The following CACNB2 variants were observed in gnomAD, a reference collection of about 807,000 sequenced individuals.
CACNB2 encodes the protein calcium voltage-gated channel auxiliary subunit beta 2.
CACNB2 carries 42 observed loss-of-function variants against 73.3 expected under a neutral mutation model. The ratio of observed to expected loss-of-function variants is 0.57; its 90% confidence interval spans 0.45 to 0.74. The LOEUF (loss-of-function observed/expected upper bound fraction) is 0.74, where lower values mean the gene tolerates loss of function less well. CACNB2 is among the 30% of genes least tolerant of loss of function. The pLI, the probability that CACNB2 is intolerant of heterozygous loss-of-function variation, is 0.00. For missense variants in CACNB2, 940 were observed against 853.0 expected (o/e 1.10, Z -1.27); for synonymous variants, 348 against 310.3 (o/e 1.12, Z -1.28).
intron 3 of CACNB2, among the ~76,000 whole-genome samples, chr10:18,437,679 C>T (rs542975861): frequency 7.9e-5 from 12 of 152,278 alleles, no homozygotes; most frequent in Admixed American, 2.6e-4. Context: ...TAGTAAGCAT[C>T]TTGGATCTCT....
chr10:18,377,814 G>C (rs943282296), intron 2 of CACNB2, among the ~76,000 whole-genome samples: 1 of 152,176 alleles, frequency 6.6e-6, no homozygotes, highest in East Asian at 1.9e-4. Context: ...ATGCCACTTG[G>C]TAGAAAGCTG....
intron 2 of CACNB2, among the ~76,000 whole-genome samples, chr10:18,314,957 T>C (rs1288130517): frequency 6.6e-6 from 1 of 152,198 alleles, no homozygotes; most frequent in African/African-American, 2.4e-5. Context: ...TTTTAAAAAA[T>C]ACTTGCCCTT....
At chr10:18,340,593 CTGTACTT>C in intron 2 of CACNB2, 1 of 892,438 alleles carries the variant, frequency 1.1e-6, no homozygotes, top group Non-Finnish European at 1.5e-6. Flanking sequence ...TGAAGTGTTA[CTGTACTT>C]TGACAAGTTT....
At chr10:18,379,876 G>C (rs113848950) in intron 2 of CACNB2, among the ~76,000 whole-genome samples, 23 of 151,996 alleles carry the variant, frequency 1.5e-4, no homozygotes, top group Middle Eastern at 3.4e-3. Flanking sequence ...CTGTGGAGAC[G>C]GAATTTCACC....
intron 2 of CACNB2, among the ~76,000 whole-genome samples, chr10:18,364,977 T>C (rs2042291866): frequency 1.3e-5 from 2 of 152,194 alleles, no homozygotes; most frequent in Admixed American, 1.3e-4. Context: ...TGCTGTTTTA[T>C]TTGTAGGCAC....
chr10:18,318,682 A>T (rs1589029917), intron 2 of CACNB2, among the ~76,000 whole-genome samples: 1 of 152,208 alleles, frequency 6.6e-6, no homozygotes, highest in African/African-American at 2.4e-5. Context: ...ACAGAATAGG[A>T]GAAAATGTTT....
chr10:18,440,724 G>A (rs1048530981), intron 3 of CACNB2, among the ~76,000 whole-genome samples: 1 of 152,106 alleles, frequency 6.6e-6, no homozygotes, highest in Non-Finnish European at 1.5e-5. Context: ...GTGGATATTT[G>A]AGGATAGATT....
At chr10:18,482,955 T>C (rs1239763536) in intron 3 of CACNB2, among the ~76,000 whole-genome samples, 1 of 152,226 alleles carries the variant, frequency 6.6e-6, no homozygotes, top group Non-Finnish European at 1.5e-5. Context: ...TTTTCATATA[T>C]TCAGCTCATC....
intron 2 of CACNB2, among the ~76,000 whole-genome samples, chr10:18,316,029 C>G (rs2040169893): frequency 1.3e-5 from 2 of 152,132 alleles, no homozygotes; most frequent in South Asian, 4.1e-4. Context: ...TTAGTAACTT[C>G]TAGTAATGGC....
intron 2 of CACNB2, among the ~76,000 whole-genome samples, chr10:18,338,802 G>A (rs1449945624): frequency 7.7e-6 from 1 of 130,090 alleles, no homozygotes; most frequent in African/African-American, 3.0e-5. Flanking sequence ...GCAGTGGTAT[G>A]ATCATAGCTC....
chr10:18,328,127 A>G (rs551522305), intron 2 of CACNB2, among the ~76,000 whole-genome samples: 2 of 152,354 alleles, frequency 1.3e-5, no homozygotes, highest in African/African-American at 4.8e-5. Flanking sequence ...GTTTCGTGGT[A>G]GAAATTCAAG....
chr10:18,171,535 A>G (rs1021393840), intron 2 of CACNB2, among the ~76,000 whole-genome samples: 8 of 143,480 alleles, frequency 5.6e-5, no homozygotes, highest in African/African-American at 2.0e-4. Flanking sequence ...AAAAAAAAAA[A>G]AAAAAAAAAA....
chr10:18,405,428 G>A (rs1223667694), intron 3 of CACNB2, among the ~76,000 whole-genome samples: 1 of 152,202 alleles, frequency 6.6e-6, no homozygotes, highest in African/African-American at 2.4e-5. Context: ...TTTAGGTATT[G>A]TGCGTAATGC....
chr10:18,488,120 A>G (rs913051600), intron 3 of CACNB2, among the ~76,000 whole-genome samples: 7 of 151,768 alleles, frequency 4.6e-5, no homozygotes, highest in African/African-American at 1.7e-4. Context: ...TTCATGAAAT[A>G]CAGCTTTCTA....
At chr10:18,276,654 C>A (rs149587730) in intron 2 of CACNB2, among the ~76,000 whole-genome samples, 16 of 152,208 alleles carry the variant, frequency 1.1e-4, no homozygotes, top group Admixed American at 7.8e-4. Context: ...TCTTGGCCCA[C>A]TGCAACGTCT....
Position 18,150,879 on chromosome 10 carries a change from T to TTTTG in CACNB2, c.121-3_121-2insTTGT, listed in dbSNP as rs769211879. 3,052 of 1,254,496 alleles carry TTTTG rather than the reference T, an allele frequency of 2.4e-3. 114 individuals carry two copies. The highest frequency in any genetic ancestry group is 5.0e-3 in the East Asian group (195 of 39,122). The allele number at this position is 1,254,496 out of a possible 1,614,324, so 77.7% of individuals were successfully genotyped here. ...TCTTTTTTTTTTTTTTTTTTTTTTT[T>TTTTG]TAGTCATATGGAAAAGGAGCCAGAA... On this transcript the variant is annotated splice_polypyrimidine_tract_variant and splice_region_variant and intron_variant, in intron 1 of 13. Transcript: ENST00000324631.
At chr10:18,226,311 G>A (rs2035991535) in intron 2 of CACNB2, among the ~76,000 whole-genome samples, 1 of 152,214 alleles carries the variant, frequency 6.6e-6, no homozygotes, top group South Asian at 2.1e-4. Context: ...ACAGGTGTGA[G>A]CCACCGCCCC....
intron 2 of CACNB2, among the ~76,000 whole-genome samples, chr10:18,171,733 A>C (rs1415524029): frequency 2.0e-5 from 3 of 152,018 alleles, no homozygotes; most frequent in Non-Finnish European, 4.4e-5. Context: ...CAGAGTTGGC[A>C]GCAGGGCACA....
chr10:18,454,569 A>G (rs952328661), intron 3 of CACNB2, among the ~76,000 whole-genome samples: 2 of 152,250 alleles, frequency 1.3e-5, no homozygotes, highest in Non-Finnish European at 2.9e-5. Flanking sequence ...CCTGTTGGGA[A>G]TGCATATATT....
Sources: allele counts gnomAD v4.1 joint callset (sites outside exome capture counted in the v4.1 genomes callset), GRCh38; gene constraint gnomAD v4.1.1; transcripts MANE v1.5; gene names NCBI Gene and HGNC (gene_info 2026-07-23, HGNC 2026-07-21).